Variants in SNORC observed in about 807,000 individuals in gnomAD.
SNORC encodes the protein secondary ossification center associated regulator of chondrocyte maturation.
A neutral mutation model predicts 9.7 loss-of-function variants in SNORC; 11 were observed. The observed-to-expected ratio is 1.14, with a 90% CI of 0.72 to 1.88. SNORC has a LOEUF of 1.88. SNORC is among the 40% of genes most tolerant of loss of function. The pLI, the probability that SNORC is intolerant of heterozygous loss-of-function variation, is 0.00. For synonymous variants in SNORC, 108 were observed against 88.7 expected, an observed-to-expected ratio of 1.22 and a Z score of -1.22; for missense variants, 197 against 173.1, an observed-to-expected ratio of 1.14 and a Z score of -0.77.
At chr2:232,877,356 A>T, downstream of SNORC, 1 of 985,376 alleles carries the variant, frequency 1.0e-6, no homozygotes, top group South Asian at 4.7e-5. Flanking sequence ...GCATTTAGAG[A>T]TGTAAACTTT....
chr2:232,871,379 C>T (rs996539968), intron 1 of SNORC, among the ~76,000 whole-genome samples: 1 of 152,186 alleles, frequency 6.6e-6, no homozygotes, highest in Admixed American at 6.5e-5. Context: ...CCAGGGTGTG[C>T]TCAGTCTTGA....
chr2:232,877,053 TC>T (rs1039993620), downstream of SNORC: 4 of 985,594 alleles, frequency 4.1e-6, no homozygotes, highest in African/African-American at 7.0e-5. Flanking sequence ...ACGTCTTGAC[TC>T]TGAGTCCTGC....
chr2:232,869,055 A>T (rs1690931653), upstream of SNORC: 1 of 152,198 alleles, frequency 6.6e-6, no homozygotes, highest in African/African-American at 2.4e-5. Context: ...AGGAATGCTG[A>T]TACCTGATTC....
At position 232,876,303 on chromosome 2, in the gene SNORC, T is replaced by C; in HGVS notation, c.313T>C (p.Cys105Arg). 1 of 1,542,632 alleles carries C rather than the reference T, an allele frequency of 6.5e-7. No individual in the cohort carries two copies. The change falls in exon 3 of 3, where the codon TGC (cysteine) becomes CGC (arginine). Residue 105 changes from cysteine to arginine, a missense_variant. Coordinates refer to ENST00000331342, the Ensembl canonical transcript of SNORC. This position sits in a 1 kb window ranked among gnomAD's most constrained non-coding sequence, Gnocchi z 6.8. ...CGTGATCGCCGCCCTGCTGGCCACC[T>C]GCGTGGTGCTGGCGCTCGTGGTCGT...
chr2:232,877,623 C>G (rs976278288), downstream of SNORC: 1 of 152,716 alleles, frequency 6.5e-6, no homozygotes, highest in African/African-American at 2.4e-5. Context: ...GGCACTGTTT[C>G]CTGCCGTGAC....
At chr2:232,877,425 C>G (rs182965844), downstream of SNORC, 1 of 931,544 alleles carries the variant, frequency 1.1e-6, no homozygotes, top group East Asian at 1.2e-4. Flanking sequence ...GGTCCCTACC[C>G]CAGTCCCCAG....
chr2:232,867,071 G>A (rs982171252), upstream of SNORC, among the ~76,000 whole-genome samples: 1 of 152,034 alleles, frequency 6.6e-6, no homozygotes. Flanking sequence ...GGGATTACAG[G>A]CGTGAGCCAC....
chr2:232,875,799 G>A (rs1691206526), intron 1 of SNORC, 141 bp from the exon 2 acceptor site: 1 of 912,298 alleles, frequency 1.1e-6, no homozygotes. Flanking sequence ...TTCTTAGCCT[G>A]GGAAATGTGA....
intron 1 of SNORC, among the ~76,000 whole-genome samples, chr2:232,871,579 G>A (rs1357013777): frequency 6.6e-6 from 1 of 152,170 alleles, no homozygotes; most frequent in Non-Finnish European, 1.5e-5. Flanking sequence ...GGCACAGGGT[G>A]GTCTCAACAG....
At chr2:232,876,647 C>G (rs1234479602), downstream of SNORC, 1 of 1,024,014 alleles carries the variant, frequency 9.8e-7, no homozygotes, top group Non-Finnish European at 1.2e-6. This position sits in a 1 kb window ranked among gnomAD's most constrained non-coding sequence, Gnocchi z 6.8. Context: ...GGCCGCGCGG[C>G]TCGGCGTCCC....
In SNORC at chr2:232,876,367, G is replaced by C. The variant is rs1291258795; in HGVS notation, c.*11G>C. Reference sequence around the variant, plus strand: ...TTTTCTGCCTCCTGAAGCGAATAAAGGGGCCGCGCCCGGCCGCGGCGCGAC... The same window carrying C: ...TTTTCTGCCTCCTGAAGCGAATAAACGGGCCGCGCCCGGCCGCGGCGCGAC... On this transcript the variant is annotated 3_prime_UTR_variant, in exon 3 of 3. Coordinates refer to ENST00000331342, the Ensembl canonical transcript of SNORC. This position sits in a 1 kb window ranked among gnomAD's most constrained non-coding sequence, Gnocchi z 6.8. The C allele has an allele frequency of 1.8e-5, 28 of 1,524,038 alleles. No homozygotes were observed. The highest frequency in any genetic ancestry group is 2.4e-5 in the Non-Finnish European group (27 of 1,140,270). The allele number at this position is 1,524,038 out of a possible 1,614,324, so 94.4% of individuals were successfully genotyped here.
At chr2:232,870,130 G>A (rs1364716880), upstream of SNORC, among the ~76,000 whole-genome samples, 1 of 149,130 alleles carries the variant, frequency 6.7e-6, no homozygotes, top group Non-Finnish European at 1.5e-5. Flanking sequence ...CCCAGGTTCA[G>A]GAAAGCAGGT....
intron 1 of SNORC, among the ~76,000 whole-genome samples, chr2:232,872,538 C>A (rs1295416556): frequency 5.9e-5 from 9 of 152,224 alleles, no homozygotes; most frequent in Non-Finnish European, 1.0e-4. Context: ...AGCGCGTAGC[C>A]ACACCACATG....
downstream of SNORC, chr2:232,877,106 C>G (rs1297118372): frequency 1.0e-6 from 1 of 985,850 alleles, no homozygotes; most frequent in Non-Finnish European, 1.2e-6. Context: ...CAGCCCCAAG[C>G]CCCCCTCTGC....
At chr2:232,870,558 C>A (rs903548330) in intron 1 of SNORC, 144 bp downstream of exon 1, 2 of 800,042 alleles carry the variant, frequency 2.5e-6, no homozygotes, top group African/African-American at 1.7e-5. Flanking sequence ...CTGCGAAGAG[C>A]TCTTGTGAGG....
chr2:232,869,299 A>G (rs1021843983), upstream of SNORC, among the ~76,000 whole-genome samples: 1 of 152,156 alleles, frequency 6.6e-6, no homozygotes, highest in African/African-American at 2.4e-5. Flanking sequence ...GGGGGAGCCT[A>G]GTCACGGCCA....
In SNORC at chr2:232,876,272, G is replaced by T; in HGVS notation, c.282G>T (p.Ala94=). 5.2e-6 allele frequency: 8 copies of T among 1,524,274 alleles called. No homozygotes were observed. Among genetic ancestry groups the T allele is most frequent in the Non-Finnish European group, 7.0e-6 (8 of 1,140,982 alleles). 94.4% of individuals were successfully genotyped at this position (1,524,274 alleles called of 1,614,324 possible). ...GGTCGCTGGGGCCCGGCGCTATCGC[G>T]GCCATCGTGATCGCCGCCCTGCTGG... Residue 94 remains alanine, a synonymous_variant, in exon 3 of 3, where the codon GCG becomes GCT. Coordinates refer to ENST00000331342, the Ensembl canonical transcript of SNORC. This position sits in a 1 kb window ranked among gnomAD's most constrained non-coding sequence, Gnocchi z 6.8.
upstream of SNORC, among the ~76,000 whole-genome samples, chr2:232,868,546 A>G (rs1488608718): frequency 6.6e-6 from 1 of 152,168 alleles, no homozygotes. Flanking sequence ...GCCACAACCT[A>G]TCTTTTTAAA....
At chr2:232,877,138 A>C (rs1574976434), downstream of SNORC, 11 of 985,702 alleles carry the variant, frequency 1.1e-5, no homozygotes, top group African/African-American at 8.7e-5. Context: ...CAGGAGCAGG[A>C]TGAGTCGAGA....
Sources: gnomAD v4.1 joint callset for allele counts (sites outside exome capture counted in the v4.1 genomes callset) on GRCh38, gnomAD v4.1.1 for gene constraint, Gnocchi (gnomAD v3.1) non-coding constraint, MANE v1.5 for transcripts, NCBI Gene and HGNC (gene_info 2026-07-23, HGNC 2026-07-21) for gene names.